SMYD3: variants seen among roughly 807,000 people sequenced by gnomAD.
SMYD3 encodes the protein SET and MYND domain containing 3, also known as histone-lysine N-methyltransferase SMYD3.
SMYD3 carries 36 observed loss-of-function variants against 57.7 expected under a neutral mutation model. The ratio of observed to expected loss-of-function variants is 0.62; its 90% CI spans 0.48 to 0.82. SMYD3 has a LOEUF of 0.82. Among genes scored for constraint, SMYD3 ranks in the 40% least tolerant of loss-of-function variants. The probability of loss-of-function intolerance (pLI) is 0.00; values close to 1 mark genes in which losing one functional copy is unlikely to be tolerated. For synonymous variants in SMYD3, 211 were observed against 195.0 expected (o/e 1.08, Z -0.68); for missense variants, 515 against 538.8 (o/e 0.96, Z 0.44).
At chr1:245,869,631 G>C (rs2052066565) in intron 8 of SMYD3, among the ~76,000 whole-genome samples, 1 of 152,178 alleles carries the variant, frequency 6.6e-6, no homozygotes, top group African/African-American at 2.4e-5. Flanking sequence ...AGTCTCATTT[G>C]TCCATTCTCT....
intron 10 of SMYD3, among the ~76,000 whole-genome samples, chr1:245,776,570 A>T (rs534081156): frequency 3.3e-5 from 5 of 152,360 alleles, no homozygotes; most frequent in Non-Finnish European, 7.3e-5. Flanking sequence ...CATAGATTTC[A>T]GTAGTGTTAC....
At chr1:245,779,161 A>AG (rs200085259) in intron 10 of SMYD3, among the ~76,000 whole-genome samples, 1,550 of 118,382 alleles carry the variant, frequency 0.013, 30 homozygotes, top group African/African-American at 0.068. Flanking sequence ...CACTGTCCCA[A>AG]GGGGAAAAAA....
At chr1:245,877,130 G>GCAGGGCGGCGCTGCGGAGA (rs2052531792) in intron 8 of SMYD3, among the ~76,000 whole-genome samples, 1 of 152,206 alleles carries the variant, frequency 6.6e-6, no homozygotes, top group South Asian at 2.1e-4. Flanking sequence ...CTCATGCATG[G>GCAGGGCGGCGCTGCGGAGA]CAGGGCGGCG....
intron 5 of SMYD3, among the ~76,000 whole-genome samples, chr1:246,061,842 C>T (rs556255770): frequency 6.6e-6 from 1 of 152,108 alleles, no homozygotes; most frequent in East Asian, 1.9e-4. Context: ...CTTGATAGAC[C>T]GGCACTATTA....
chr1:245,868,376 C>A (rs1303086634), intron 8 of SMYD3, among the ~76,000 whole-genome samples: 3 of 152,148 alleles, frequency 2.0e-5, no homozygotes, highest in Admixed American at 2.0e-4. Context: ...CTGAGTTAAT[C>A]AATTCAAAAT....
intron 10 of SMYD3, among the ~76,000 whole-genome samples, chr1:245,772,847 A>G (rs774035310): frequency 3.3e-5 from 5 of 152,198 alleles, no homozygotes; most frequent in Non-Finnish European, 7.4e-5. Context: ...AAAGCAGTAG[A>G]TAAATTAGAA....
chr1:246,445,510 G>A (rs1933132), intron 1 of SMYD3, among the ~76,000 whole-genome samples: 141,669 of 152,216 alleles, frequency 0.93, 66,400 homozygotes, highest in Non-Finnish European at 0.99. Flanking sequence ...AACAGCACTA[G>A]TAAAATTCTG....
At chr1:245,963,438 C>T (rs180803873) in intron 5 of SMYD3, among the ~76,000 whole-genome samples, 14 of 152,134 alleles carry the variant, frequency 9.2e-5, no homozygotes, top group Admixed American at 5.2e-4. Context: ...CAATTGTACT[C>T]GACATACTGC....
intron 1 of SMYD3, among the ~76,000 whole-genome samples, chr1:246,504,216 T>C (rs1261894315): frequency 6.6e-6 from 1 of 152,182 alleles, no homozygotes; most frequent in African/African-American, 2.4e-5. Context: ...TGGTAACCAT[T>C]GTTTCTGGAG....
chr1:246,169,812 G>C, intron 5 of SMYD3, among the ~76,000 whole-genome samples: 1 of 151,690 alleles, frequency 6.6e-6, no homozygotes, highest in East Asian at 1.9e-4. Context: ...GCTGAGGCAG[G>C]AGAATCGCTT....
intron 1 of SMYD3, among the ~76,000 whole-genome samples, chr1:246,440,788 A>C (rs2067451013): frequency 6.6e-6 from 1 of 152,136 alleles, no homozygotes; most frequent in African/African-American, 2.4e-5. Context: ...AGTTCACAAA[A>C]TCCCTTTCCT....
At chr1:246,180,631 T>A (rs1033265147) in intron 5 of SMYD3, among the ~76,000 whole-genome samples, 1 of 150,900 alleles carries the variant, frequency 6.6e-6, no homozygotes, top group Admixed American at 6.6e-5. Flanking sequence ...TGGTGGTGGA[T>A]GCCTGTAGTC....
chr1:246,136,532 G>A (rs548630543), intron 5 of SMYD3, among the ~76,000 whole-genome samples: 2 of 152,306 alleles, frequency 1.3e-5, no homozygotes, highest in South Asian at 2.1e-4. Context: ...TAGAAGCAGG[G>A]CCTTGAGAAT....
intron 11 of SMYD3, among the ~76,000 whole-genome samples, chr1:245,755,319 G>A (rs2148017424): frequency 6.6e-6 from 1 of 152,236 alleles, no homozygotes; most frequent in Middle Eastern, 3.4e-3. Context: ...GGCATAAAAT[G>A]GTCTCTTTTG....
chr1:245,998,949 A>G (rs536368030), intron 5 of SMYD3, among the ~76,000 whole-genome samples: 23 of 152,298 alleles, frequency 1.5e-4, no homozygotes, highest in African/African-American at 4.6e-4. Context: ...GAGTAGTCAA[A>G]CTCACAGAGA....
At chr1:246,174,650 T>C (rs1488900540) in intron 5 of SMYD3, among the ~76,000 whole-genome samples, 1 of 152,172 alleles carries the variant, frequency 6.6e-6, no homozygotes, top group Admixed American at 6.5e-5. Flanking sequence ...TTTCACTATG[T>C]TGGCCAGGCT....
chr1:246,116,592 T>C (rs2061345707), intron 5 of SMYD3, among the ~76,000 whole-genome samples: 5 of 152,156 alleles, frequency 3.3e-5, no homozygotes, highest in Admixed American at 3.3e-4. Context: ...TCAAAACACC[T>C]GATAGGTTTT....
chr1:245,807,813 GA>G (rs35324111), intron 10 of SMYD3, among the ~76,000 whole-genome samples: 138 of 111,640 alleles, frequency 1.2e-3, no homozygotes, highest in African/African-American at 2.0e-3. Flanking sequence ...ATTTCCCAGG[GA>G]AAAAAAAAAA....
chr1:246,217,353 C>A (rs1304696250), intron 5 of SMYD3, among the ~76,000 whole-genome samples: 3 of 151,990 alleles, frequency 2.0e-5, no homozygotes, highest in Admixed American at 6.6e-5. Context: ...CCTGTCTCTA[C>A]GAAAAATTAA....
Sources: allele counts gnomAD v4.1 joint callset (sites outside exome capture counted in the v4.1 genomes callset), GRCh38; gene constraint gnomAD v4.1.1; transcripts MANE v1.5; gene names NCBI Gene and HGNC (gene_info 2026-07-23, HGNC 2026-07-21).